The following LIAS variants were observed in gnomAD, a reference collection of about 807,000 sequenced individuals.
LIAS encodes lipoyl synthase, mitochondrial.
LIAS carries 36 observed loss-of-function variants against 49.4 expected under a neutral mutation model. The observed-to-expected ratio is 0.73, with a 90% CI of 0.56 to 0.96. The LOEUF (loss-of-function observed/expected upper bound fraction) is 0.96. Ranked by LOEUF, LIAS falls within the 40% of genes least tolerant of loss-of-function variation. The probability of loss-of-function intolerance (pLI) is 0.00; values close to 1 mark genes in which losing one functional copy is unlikely to be tolerated. For synonymous variants in LIAS, 145 were observed against 155.8 expected (o/e 0.93, Z 0.52); for missense variants, 399 against 456.3 (o/e 0.87, Z 1.14).
Position 39,467,511 on chromosome 4 carries a change from C to G in LIAS, c.609-7C>G. The G allele has an allele frequency of 6.3e-7, 1 of 1,580,470 alleles. No individual in the cohort carries two copies. The highest frequency in any genetic ancestry group is 1.4e-5 in the African/African-American group (1 of 73,662). On this transcript the variant is annotated splice_region_variant and splice_polypyrimidine_tract_variant and intron_variant, in intron 6 of 10. Coordinates refer to ENST00000640888, the MANE Select transcript of LIAS (RefSeq NM_006859.4). Reference sequence around the variant, plus strand: ...CTCTGTTTGATAATTCTCTCTTTTCCCCTTAGGAATCCAAAAATCCTTGTG... The same window carrying G: ...CTCTGTTTGATAATTCTCTCTTTTCGCCTTAGGAATCCAAAAATCCTTGTG...
At chr4:39,471,651 T>C (rs2109885582) in intron 9 of LIAS, among the ~76,000 whole-genome samples, 1 of 149,098 alleles carries the variant, frequency 6.7e-6, no homozygotes, top group South Asian at 2.2e-4. Context: ...TTCAGCCTCC[T>C]GAGTAGCTGG....
At chr4:39,461,874 T>A (rs565389622) in intron 2 of LIAS, among the ~76,000 whole-genome samples, 1 of 152,286 alleles carries the variant, frequency 6.6e-6, no homozygotes, top group South Asian at 2.1e-4. Context: ...TTTGTATTTT[T>A]AGTAGAGACA....
At chr4:39,459,198 G>C in intron 1 of LIAS, 36 bp downstream of exon 1, 1 of 1,595,500 alleles carries the variant, frequency 6.3e-7, no homozygotes, top group East Asian at 2.2e-5. Context: ...GGCGTGGGGT[G>C]GGGGGATCCT....
chr4:39,468,370 C>T (rs1257917808), intron 7 of LIAS: 9 of 151,376 alleles, frequency 5.9e-5, no homozygotes, highest in African/African-American at 1.5e-4. Flanking sequence ...CCCAGCTACT[C>T]GGTAGGCTGA....
intron 6 of LIAS, 36 bp from the exon 7 acceptor site, chr4:39,467,480 CTT>C (rs1560669378): frequency 6.5e-7 from 1 of 1,536,220 alleles, no homozygotes; most frequent in Admixed American, 2.0e-5. Flanking sequence ...TATGTCAGTT[CTT>C]TCTCTCTGTT....
At position 39,459,100 on chromosome 4, in the gene LIAS, G is replaced by A. The variant is rs199924644; in HGVS notation, c.-18G>A. The A allele has an allele frequency of 1.1e-5, 17 of 1,614,088 alleles. No individual in the cohort carries two copies. In the Admixed American group the frequency reaches 2.8e-4, roughly 27 times the overall value. On this transcript the variant is annotated 5_prime_UTR_variant, in exon 1 of 11. Transcript: ENST00000640888. ...AGCGATCCCTCAACCCCTGCACTGC[G>A]CTAGTCCTAAAGAGGAAATGTCTCT...
chr4:39,462,061 G>A (rs1744526835), intron 2 of LIAS, 135 bp from the exon 3 acceptor site: 1 of 388,326 alleles, frequency 2.6e-6, no homozygotes, highest in Non-Finnish European at 4.7e-6. Context: ...TCCTATGACA[G>A]AAATTATAAG....
Position 39,470,229 on chromosome 4 carries a change from C to T in LIAS, c.883+65C>T, listed in dbSNP as rs143387955. 3.2e-3 allele frequency: 4,470 copies of T among 1,378,696 alleles called. 27 individuals carry two copies. The highest frequency in any genetic ancestry group is 0.018 in the Middle Eastern group (93 of 5,276). The allele number at this position is 1,378,696 out of a possible 1,614,324, so 85.4% of individuals were successfully genotyped here. A position where few individuals can be genotyped will look rare whatever the true frequency, so the allele number is the denominator to read the frequency against. ...TTGAGTAATAGCAGGAACCCACTCA[C>T]TTTGAAGGCCCTTCTAAGAACAAAG... On this transcript the variant is annotated intron_variant, in intron 8 of 10. Transcript: ENST00000640888.
chr4:39,460,102 G>A (rs1447270707), intron 1 of LIAS, among the ~76,000 whole-genome samples: 2 of 152,142 alleles, frequency 1.3e-5, no homozygotes, highest in Non-Finnish European at 2.9e-5. Flanking sequence ...CACTTTAAAC[G>A]CCCCTGATTC....
At position 39,470,066 on chromosome 4, in the gene LIAS, T is replaced by C. The variant is rs1744925368; in HGVS notation, c.785T>C (p.Leu262Pro). The change falls in exon 8 of 11, where the codon CTG (leucine) becomes CCG (proline). Residue 262 changes from leucine to proline, a missense_variant. This residue lies in a region of LIAS where 234 missense variants were observed against 292.2 expected (regional missense o/e 0.80). Transcript: ENST00000640888. ...AATTTTGATCAGTCCCTACGTGTAC[T>C]GAAACATGCCAAGAAGGTTCAGCCT... The part of the protein sequence containing the change: ...RANFDQSLRV[L>P]KHAKKVQPDV... 6.2e-7 allele frequency: 1 copy of C among 1,614,124 alleles called. No individual in the cohort carries two copies. The highest frequency in any genetic ancestry group is 8.5e-7 in the Non-Finnish European group (1 of 1,179,976).
At chr4:39,475,230 A>AAT (rs1273290771) in intron 10 of LIAS, 1 of 151,818 alleles carries the variant, frequency 6.6e-6, no homozygotes, top group Non-Finnish European at 1.5e-5. Flanking sequence ...TATATACAAA[A>AAT]ATTAGCCGGG....
intron 4 of LIAS, chr4:39,464,372 A>G (rs1303101730): frequency 2.6e-5 from 4 of 152,176 alleles, no homozygotes; most frequent in Admixed American, 6.5e-5. Flanking sequence ...AAACTGTGTA[A>G]GTTATAAAGA....
chr4:39,459,779 G>A (rs1004864084), intron 1 of LIAS, among the ~76,000 whole-genome samples: 1 of 152,114 alleles, frequency 6.6e-6, no homozygotes, highest in African/African-American at 2.4e-5. Context: ...GGCCAACATG[G>A]TGAAACCCCG....
intron 7 of LIAS, 32 bp from the exon 8 acceptor site, chr4:39,469,987 T>C (rs780184390): frequency 1.3e-6 from 2 of 1,585,216 alleles, no homozygotes; most frequent in South Asian, 2.3e-5. Flanking sequence ...GAACTTGTAA[T>C]TCTTGCTGAC....
Position 39,478,118 on chromosome 4 carries a change from TTTCATTCAACTTTAGCA to T in LIAS, c.*1014_*1030del, listed in dbSNP as rs1745266699. On this transcript the variant is annotated 3_prime_UTR_variant, in exon 11 of 11. Transcript: ENST00000640888. The stretch of plus-strand genomic sequence containing the variant: ...TAGATTGAAACTCATCAGTTTAGCA[TTTCATTCAACTTTAGCA>T]TTCATTCAACGTAGATTGAAACTCA... 6.6e-6 allele frequency: 1 copy of T among 152,286 alleles called. No homozygotes were observed. Among genetic ancestry groups the T allele is most frequent in the African/African-American group, 2.4e-5 (1 of 41,480 alleles). The allele number at this position is 152,286 out of a possible 1,614,324, so 9.4% of individuals were successfully genotyped here.
intron 10 of LIAS, 55 bp downstream of exon 10, chr4:39,473,266 G>A: frequency 9.4e-7 from 1 of 1,061,458 alleles, no homozygotes; most frequent in South Asian, 1.3e-5. Flanking sequence ...TCCACATTAA[G>A]TTCTACCACC....
At chr4:39,460,533 CAAAA>C (rs3836577) in intron 1 of LIAS, among the ~76,000 whole-genome samples, 1 of 98,224 alleles carries the variant, frequency 1.0e-5, no homozygotes. Flanking sequence ...GACTCCGTCT[CAAAA>C]AAAAAAAAAA....
At chr4:39,476,090 T>C (rs1045830247) in intron 10 of LIAS, 5 of 152,166 alleles carry the variant, frequency 3.3e-5, no homozygotes, top group Non-Finnish European at 7.3e-5. Flanking sequence ...CTAGAATGGT[T>C]AGAGTAATGT....
intron 8 of LIAS, 68 bp from the exon 9 acceptor site, chr4:39,471,168 T>G: frequency 8.4e-7 from 1 of 1,187,482 alleles, no homozygotes; most frequent in Non-Finnish European, 1.2e-6. Context: ...AAATATTCCT[T>G]AGGAAAATTA....
Sources: gnomAD v4.1 joint callset for allele counts (sites outside exome capture counted in the v4.1 genomes callset) on GRCh38, gnomAD v4.1.1 for gene constraint, gnomAD v4.1.1 regional missense constraint, MANE v1.5 for transcripts, NCBI Gene and HGNC (gene_info 2026-07-23, HGNC 2026-07-21) for gene names.